Variants in UBE3D observed in about 807,000 individuals in gnomAD.
The protein encoded by UBE3D is ubiquitin protein ligase E3D, also known as E3 ubiquitin-protein ligase E3D.
UBE3D carries 48 observed loss-of-function variants against 49.6 expected under a neutral mutation model. The ratio of observed to expected loss-of-function variants is 0.97; its 90% confidence interval spans 0.77 to 1.23. The LOEUF (loss-of-function observed/expected upper bound fraction) is 1.23, where lower values mean the gene tolerates loss of function less well. Among genes scored for constraint, UBE3D ranks in the 50% most tolerant of loss-of-function variants. UBE3D has a pLI of 0.00. For synonymous variants in UBE3D, 189 were observed against 174.2 expected (o/e 1.08, Z -0.67); for missense variants, 452 against 468.4 (o/e 0.96, Z 0.32).
intron 8 of UBE3D, among the ~76,000 whole-genome samples, chr6:83,007,345 G>A (rs1031747282): frequency 3.9e-5 from 6 of 152,044 alleles, no homozygotes; most frequent in Non-Finnish European, 8.8e-5. Context: ...TCAAAAAGGT[G>A]GGAAGAACCA....
intron 9 of UBE3D, among the ~76,000 whole-genome samples, chr6:82,908,777 C>T (rs2127723911): frequency 6.6e-6 from 1 of 152,282 alleles, no homozygotes; most frequent in South Asian, 2.1e-4. Flanking sequence ...TCCTTTCTTC[C>T]CTTCCTCCAC....
chr6:83,054,180 G>A lies in UBE3D; in HGVS notation c.333C>T (p.Cys111=). The A allele has an allele frequency of 6.2e-7, 1 of 1,613,838 alleles. No individual in the cohort carries two copies. Among genetic ancestry groups the A allele is most frequent in the Non-Finnish European group, 8.5e-7 (1 of 1,179,890 alleles). Residue 111 remains cysteine, a synonymous_variant, in exon 3 of 10, where the codon TGC becomes TGT. Coordinates refer to ENST00000369747, the MANE Select transcript of UBE3D (RefSeq NM_198920.3). ...TTATTATGACTTCACCGCAGGATTG[G>A]CAATAAAACGTGCAACATTCTTGGG... ...SQTQECCTFY[C]QSCGEVIIKD...
intron 9 of UBE3D, among the ~76,000 whole-genome samples, chr6:82,910,038 AT>A (rs1772386904): frequency 6.6e-6 from 1 of 152,310 alleles, no homozygotes; most frequent in South Asian, 2.1e-4. Context: ...TGAATTTGTG[AT>A]TCCCGAAAGC....
At position 82,912,589 on chromosome 6, in the gene UBE3D, A is replaced by T. The variant is rs545037379; in HGVS notation, c.1150-19547T>A. 2.6e-5 allele frequency among the ~76,000 whole-genome samples: 4 copies of T among 152,246 alleles called. No homozygotes were observed. In the East Asian group the frequency reaches 7.7e-4, roughly 29 times the overall value. On this transcript the variant is annotated intron_variant, in intron 9 of 9. Coordinates refer to ENST00000369747, the MANE Select transcript of UBE3D (RefSeq NM_198920.3). ...GGATTTGGGAAGCGGAATATAAAAGACCTATCAAGAGCTTCAAAGAGTTAT... is the reference window on the plus strand; with the variant it reads ...GGATTTGGGAAGCGGAATATAAAAGTCCTATCAAGAGCTTCAAAGAGTTAT...
chr6:83,049,094 A>G (rs1783281957), intron 3 of UBE3D, among the ~76,000 whole-genome samples: 1 of 152,202 alleles, frequency 6.6e-6, no homozygotes, highest in South Asian at 2.1e-4. Flanking sequence ...TTGATGTTTA[A>G]TACTTAAACA....
At chr6:82,911,196 C>CA (rs1156620624) in intron 9 of UBE3D, among the ~76,000 whole-genome samples, 9,747 of 39,242 alleles carry the variant, frequency 0.25, 2,276 homozygotes, top group South Asian at 0.31. Context: ...AACATTTTGG[C>CA]AAAAAAAAAA....
In UBE3D at chr6:83,002,080, C is replaced by A. The variant is rs142349431; in HGVS notation, c.1010+16893G>T. Among the ~76,000 whole-genome samples the A allele has an allele frequency of 7.4e-4, 112 of 152,300 alleles. 2 individuals carry two copies. The East Asian group carries it at 0.021, about 28-fold the overall frequency. On this transcript the variant is annotated intron_variant, in intron 8 of 9. Coordinates refer to ENST00000369747, the MANE Select transcript of UBE3D (RefSeq NM_198920.3). ...AAGCCCTCTGGAAGCCACATACTCT[C>A]CCATTAGCTAGAATCCACTATTTGA... is the stretch of plus-strand genomic sequence containing the variant.
At chr6:82,949,642 C>T (rs879294692) in intron 9 of UBE3D, among the ~76,000 whole-genome samples, 4 of 152,116 alleles carry the variant, frequency 2.6e-5, no homozygotes, top group Non-Finnish European at 4.4e-5. Flanking sequence ...ACCAAAATAG[C>T]ATGGTACTGG....
At chr6:83,032,246 C>T in intron 5 of UBE3D, 1 of 456,034 alleles carries the variant, frequency 2.2e-6, no homozygotes, top group Non-Finnish European at 4.4e-6. Flanking sequence ...CCGTACCCGG[C>T]AAAACCACAG....
In UBE3D at chr6:83,065,785, G is replaced by A. The variant is rs1441423297; in HGVS notation, c.-67C>T. On this transcript the variant is annotated 5_prime_UTR_variant, in exon 1 of 10. Transcript: ENST00000369747. ...GAGGGGCCCGGGTCAACAGGACCAG[G>A]AGAGGTTCCACGTGCGGACCAACCA... The A allele has an allele frequency of 2.7e-6, 4 of 1,502,936 alleles. No individual in the cohort carries two copies. The highest frequency in any genetic ancestry group is 2.5e-5 in the East Asian group (1 of 40,738). The allele number at this position is 1,502,936 out of a possible 1,614,324, so 93.1% of individuals were successfully genotyped here. A position where few individuals can be genotyped will look rare whatever the true frequency, so the allele number is the denominator to read the frequency against.
At chr6:82,999,815 G>A (rs1001693912) in intron 8 of UBE3D, among the ~76,000 whole-genome samples, 3 of 152,016 alleles carry the variant, frequency 2.0e-5, no homozygotes, top group Admixed American at 1.3e-4. Flanking sequence ...CACACTTACT[G>A]TTTGTCATAT....
chr6:82,974,799 G>A (rs1469133216), intron 8 of UBE3D, among the ~76,000 whole-genome samples: 1 of 150,646 alleles, frequency 6.6e-6, no homozygotes, highest in Non-Finnish European at 1.5e-5. Flanking sequence ...AAAAAAACTT[G>A]TACTCTTTTA....
intron 8 of UBE3D, among the ~76,000 whole-genome samples, chr6:82,971,460 A>G (rs1236134170): frequency 6.6e-6 from 1 of 151,896 alleles, no homozygotes; most frequent in Non-Finnish European, 1.5e-5. Flanking sequence ...CCTGTCCCAT[A>G]GGGGCCAAAC....
At chr6:82,964,383 C>A (rs2127783869) in intron 8 of UBE3D, among the ~76,000 whole-genome samples, 1 of 151,954 alleles carries the variant, frequency 6.6e-6, no homozygotes. Context: ...ACAACTCTAC[C>A]AAAATTAAAA....
At chr6:83,057,198 G>T (rs2127847933) in intron 2 of UBE3D, among the ~76,000 whole-genome samples, 1 of 152,258 alleles carries the variant, frequency 6.6e-6, no homozygotes, top group African/African-American at 2.4e-5. Flanking sequence ...TCAGGACTCA[G>T]GTCAAACATT....
At chr6:83,032,693 T>C (rs1312259138) in intron 5 of UBE3D, among the ~76,000 whole-genome samples, 1 of 152,112 alleles carries the variant, frequency 6.6e-6, no homozygotes, top group African/African-American at 2.4e-5. Flanking sequence ...CCAAATCTCA[T>C]CTTGAATTGT....
the UBE3D span, among the ~76,000 whole-genome samples, chr6:82,884,914 G>A: frequency 3.9e-5 from 6 of 152,154 alleles, no homozygotes; most frequent in Non-Finnish European, 7.4e-5. Flanking sequence ...TTAGTCCAGA[G>A]GGCATCCCTG....
chr6:82,962,985 C>T (rs768298708), intron 8 of UBE3D, among the ~76,000 whole-genome samples: 5 of 152,106 alleles, frequency 3.3e-5, no homozygotes, highest in Admixed American at 1.3e-4. Flanking sequence ...TCCCACAGTA[C>T]GTTTTTCATG....
At chr6:83,060,036 T>A (rs996752689) in intron 1 of UBE3D, among the ~76,000 whole-genome samples, 2 of 152,240 alleles carry the variant, frequency 1.3e-5, no homozygotes, top group Non-Finnish European at 2.9e-5. Flanking sequence ...CTCTTCCTCT[T>A]CATATAAGGA....
Sources: gnomAD v4.1 joint callset for allele counts (sites outside exome capture counted in the v4.1 genomes callset) on GRCh38, gnomAD v4.1.1 for gene constraint, MANE v1.5 for transcripts, NCBI Gene and HGNC (gene_info 2026-07-23, HGNC 2026-07-21) for gene names.